Variants in ANTXR2 observed in about 807,000 individuals in gnomAD.
ANTXR2 encodes the protein ANTXR cell adhesion molecule 2.
ANTXR2 carries 44 observed loss-of-function variants against 73.7 expected under a neutral mutation model. That is an observed-to-expected ratio of 0.60 (90% CI 0.47 to 0.77). The LOEUF (loss-of-function observed/expected upper bound fraction) is 0.77. Ranked by LOEUF, ANTXR2 falls within the 30% of genes least tolerant of loss-of-function variation. The pLI is 0.00. For missense variants in ANTXR2, 604 were observed against 592.5 expected (o/e 1.02, Z -0.20); for synonymous variants, 217 against 205.9 (o/e 1.05, Z -0.46).
At chr4:80,043,212 T>A (rs1456099595) in intron 7 of ANTXR2, among the ~76,000 whole-genome samples, 2 of 152,014 alleles carry the variant, frequency 1.3e-5, no homozygotes, top group Admixed American at 1.3e-4. Context: ...AAATATGGAA[T>A]TTTAAAAAAC....
At chr4:79,928,648 G>A (rs4472086) in intron 16 of ANTXR2, among the ~76,000 whole-genome samples, 36,068 of 151,870 alleles carry the variant, frequency 0.24, 5,875 homozygotes, top group African/African-American at 0.46. Flanking sequence ...AAATCTATAT[G>A]CCAGTAATAA....
chr4:80,025,867 T>C (rs543321705), intron 10 of ANTXR2, among the ~76,000 whole-genome samples: 31 of 152,316 alleles, frequency 2.0e-4, no homozygotes, highest in African/African-American at 7.5e-4. Flanking sequence ...TAGCAAGATG[T>C]CTACATTTCA....
intron 16 of ANTXR2, among the ~76,000 whole-genome samples, chr4:79,908,831 A>C (rs1467281199): frequency 2.0e-5 from 3 of 152,120 alleles, no homozygotes; most frequent in Non-Finnish European, 4.4e-5. Context: ...TTCAAACAAG[A>C]TTTTCAGAGT....
chr4:79,975,687 C>T lies in ANTXR2; in HGVS notation c.1428+1934G>A, dbSNP rs566267134. Among the ~76,000 whole-genome samples, 10 of 152,228 alleles carry T rather than the reference C, an allele frequency of 6.6e-5. No individual in the cohort carries two copies. The South Asian group carries it at 1.9e-3, about 28-fold the overall frequency. ...ATTTTAAAATACATGAAGTTAAAGT[C>T]TAGCATGTAGAAGAGGAAGAAGAGT... On this transcript the variant is annotated intron_variant, in intron 16 of 16. Coordinates refer to ENST00000403729, the MANE Select transcript of ANTXR2 (RefSeq NM_058172.6).
intron 3 of ANTXR2, among the ~76,000 whole-genome samples, chr4:80,064,380 A>T (rs1315667225): frequency 6.6e-6 from 1 of 152,214 alleles, no homozygotes; most frequent in Non-Finnish European, 1.5e-5. Context: ...GGCAGCTAAT[A>T]ACTAAGGTTC....
At position 80,035,977 on chromosome 4, in the gene ANTXR2, A is replaced by AC; in HGVS notation, c.691dup (p.Val231GlyfsTer31). 6.5e-7 allele frequency: 1 copy of AC among 1,543,638 alleles called. No homozygotes were observed. Among genetic ancestry groups the AC allele is most frequent in the Non-Finnish European group, 8.7e-7 (1 of 1,145,160 alleles). The stretch of plus-strand genomic sequence containing the variant: ...TTTAAATTCTAAACACTTACCCCCC[A>AC]CACAGACACTTGAGGGCTGCAATTC... On this transcript the variant is annotated frameshift_variant, in exon 8 of 17. Transcript: ENST00000403729. LOFTEE classifies it high-confidence loss of function.
chr4:80,038,475 C>G (rs538500412), intron 7 of ANTXR2, among the ~76,000 whole-genome samples: 27 of 152,106 alleles, frequency 1.8e-4, no homozygotes, highest in African/African-American at 5.5e-4. Flanking sequence ...CTGTATATCC[C>G]CTATAAGGTA....
intron 7 of ANTXR2, among the ~76,000 whole-genome samples, chr4:80,041,310 C>G (rs936168183): frequency 6.6e-6 from 1 of 152,030 alleles, no homozygotes; most frequent in Admixed American, 6.6e-5. Flanking sequence ...TCTTAACAAA[C>G]TAGTGAAATG....
At chr4:79,919,922 A>T (rs7655666) in intron 16 of ANTXR2, among the ~76,000 whole-genome samples, 2,204 of 9,716 alleles carry the variant, frequency 0.23, 109 homozygotes, top group East Asian at 0.44. Flanking sequence ...TATATATATA[A>T]AAAATGATAG....
chr4:79,957,338 G>C (rs1047176064), intron 16 of ANTXR2, among the ~76,000 whole-genome samples: 3 of 151,838 alleles, frequency 2.0e-5, no homozygotes, highest in African/African-American at 7.3e-5. Context: ...AAAATAAATG[G>C]GTTGATAAAT....
At chr4:79,955,431 A>G (rs1405865989) in intron 16 of ANTXR2, among the ~76,000 whole-genome samples, 1 of 151,990 alleles carries the variant, frequency 6.6e-6, no homozygotes, top group East Asian at 1.9e-4. Context: ...TTATTTATTC[A>G]TTATTGCTGG....
intron 13 of ANTXR2, 38 bp from the exon 14 acceptor site, chr4:79,984,008 T>C (rs756429770): frequency 7.9e-6 from 11 of 1,389,700 alleles, no homozygotes. Context: ...TTTAATTAAT[T>C]TCTTAAAATA....
At position 79,907,435 on chromosome 4, in the gene ANTXR2, A is replaced by G. The variant is rs1385452226; in HGVS notation, c.1461T>C (p.Ser487=). The part of the protein sequence containing the change: ...GRCINFSRVP[S]Q Reference sequence around the variant, plus strand: ...TGGTCTTCCTGCTTCCCTTTTACTGAGATGGAACTCGGGAGAAGTTTATGC... The same window carrying G: ...TGGTCTTCCTGCTTCCCTTTTACTGGGATGGAACTCGGGAGAAGTTTATGC... The change falls in exon 17 of 17, where the codon TCT becomes TCC. Residue 487 remains serine, a synonymous_variant. Coordinates refer to ENST00000403729, the MANE Select transcript of ANTXR2 (RefSeq NM_058172.6). The G allele has an allele frequency of 3.7e-6, 6 of 1,612,868 alleles. No homozygotes were observed. The highest frequency in any genetic ancestry group is 5.1e-6 in the Non-Finnish European group (6 of 1,179,366).
chr4:79,952,220 T>C (rs1728734934), intron 16 of ANTXR2, among the ~76,000 whole-genome samples: 1 of 150,766 alleles, frequency 6.6e-6, no homozygotes, highest in Non-Finnish European at 1.5e-5. Flanking sequence ...ATAATTCTAA[T>C]TAGATTAGAT....
intron 16 of ANTXR2, among the ~76,000 whole-genome samples, chr4:79,957,586 G>A (rs1578110951): frequency 1.3e-5 from 2 of 152,026 alleles, no homozygotes; most frequent in East Asian, 1.9e-4. Context: ...ATAATTCAGT[G>A]TGCTCTATAT....
At chr4:80,029,670 G>A (rs1732600109) in intron 10 of ANTXR2, among the ~76,000 whole-genome samples, 1 of 151,936 alleles carries the variant, frequency 6.6e-6, no homozygotes, top group Non-Finnish European at 1.5e-5. Context: ...ACAGGTTACA[G>A]ACTCAAAGAG....
At chr4:79,911,952 C>T (rs145816756) in intron 16 of ANTXR2, among the ~76,000 whole-genome samples, 123 of 151,888 alleles carry the variant, frequency 8.1e-4, no homozygotes, top group African/African-American at 2.9e-3. Context: ...CCTTATAAAT[C>T]ATTGAATCAT....
intron 12 of ANTXR2, among the ~76,000 whole-genome samples, chr4:79,992,004 G>C (rs1395814089): frequency 6.6e-6 from 1 of 151,882 alleles, no homozygotes; most frequent in Non-Finnish European, 1.5e-5. Flanking sequence ...CTACCCATCA[G>C]GTACTATGCT....
intron 16 of ANTXR2, among the ~76,000 whole-genome samples, chr4:79,966,673 C>T (rs931745027): frequency 6.6e-6 from 1 of 152,134 alleles, no homozygotes; most frequent in Non-Finnish European, 1.5e-5. Flanking sequence ...ATTAGAGTCT[C>T]AATACAGATT....
Sources: allele counts gnomAD v4.1 joint callset (sites outside exome capture counted in the v4.1 genomes callset), GRCh38; gene constraint gnomAD v4.1.1; transcripts MANE v1.5; gene names NCBI Gene and HGNC (gene_info 2026-07-23, HGNC 2026-07-21).